PTPRE: variants seen among roughly 807,000 people sequenced by gnomAD.
The protein encoded by PTPRE is protein tyrosine phosphatase receptor type E.
Under a neutral mutation model 102.0 loss-of-function variants are expected in PTPRE, and 51 were observed. The ratio of observed to expected loss-of-function variants is 0.50; its 90% confidence interval spans 0.40 to 0.63. The LOEUF (loss-of-function observed/expected upper bound fraction) is 0.63. Ranked by LOEUF, PTPRE falls within the 30% of genes least tolerant of loss-of-function variation. The probability of loss-of-function intolerance (pLI) is 0.00; values close to 1 mark genes in which losing one functional copy is unlikely to be tolerated. For synonymous variants in PTPRE, 345 were observed against 348.2 expected, an observed-to-expected ratio of 0.99 and a Z score of 0.10; for missense variants, 752 against 915.1, an observed-to-expected ratio of 0.82 and a Z score of 2.30.
intron 1 of PTPRE, among the ~76,000 whole-genome samples, chr10:127,918,028 CA>C (rs960719522): frequency 1.1e-4 from 16 of 150,120 alleles, no homozygotes; most frequent in African/African-American, 2.9e-4. Context: ...GACACCATCT[CA>C]AAAAAAAAGC....
intron 2 of PTPRE, among the ~76,000 whole-genome samples, chr10:127,997,885 T>G (rs1372398707): frequency 6.6e-6 from 1 of 152,244 alleles, no homozygotes; most frequent in African/African-American, 2.4e-5. Flanking sequence ...GTCCTGCTGC[T>G]TCCGTCACAT....
In PTPRE at chr10:128,069,832, G is replaced by A; in HGVS notation, c.1143+5G>A. On this transcript the variant is annotated splice_donor_5th_base_variant and intron_variant, in intron 13 of 20. Transcript: ENST00000254667. ...CCTCAGATGGTTCAAACGGATGTGA[G>A]TCATGCCTTCCTCTTGCCCTGATCT... is the stretch of plus-strand genomic sequence containing the variant. 1 of 1,614,256 alleles carries A rather than the reference G, an allele frequency of 6.2e-7. No individual in the cohort carries two copies. Among genetic ancestry groups the A allele is most frequent in the Non-Finnish European group, 8.5e-7 (1 of 1,180,044 alleles).
At chr10:128,020,025 T>TGC (rs1184963575) in intron 2 of PTPRE, among the ~76,000 whole-genome samples, 2 of 104,182 alleles carry the variant, frequency 1.9e-5, no homozygotes, top group Admixed American at 8.7e-5. Context: ...GTGGAGGCTG[T>TGC]GTGTGTGTGT....
At chr10:127,923,619 G>A (rs777250987) in intron 1 of PTPRE, among the ~76,000 whole-genome samples, 4 of 151,976 alleles carry the variant, frequency 2.6e-5, no homozygotes, top group Non-Finnish European at 4.4e-5. Context: ...GGTCAGGCTG[G>A]TCTCGAACTC....
intron 2 of PTPRE, among the ~76,000 whole-genome samples, chr10:128,009,939 A>G (rs953168574): frequency 1.3e-5 from 2 of 152,220 alleles, no homozygotes; most frequent in Non-Finnish European, 2.9e-5. Context: ...TATGAGAGAA[A>G]GCAGGCAAGA....
chr10:127,985,045 G>A (rs777156143), intron 2 of PTPRE, among the ~76,000 whole-genome samples: 7 of 152,204 alleles, frequency 4.6e-5, no homozygotes, highest in Non-Finnish European at 8.8e-5. Flanking sequence ...ATTCAGAGAC[G>A]TGCTTTTGAG....
chr10:127,946,837 C>T (rs1397400408), intron 1 of PTPRE, among the ~76,000 whole-genome samples: 4 of 151,998 alleles, frequency 2.6e-5, no homozygotes, highest in African/African-American at 7.2e-5. Context: ...AGTTCGAGAC[C>T]AACCTGGGCA....
At chr10:128,011,483 A>G (rs1845006822) in intron 2 of PTPRE, among the ~76,000 whole-genome samples, 1 of 152,200 alleles carries the variant, frequency 6.6e-6, no homozygotes, top group African/African-American at 2.4e-5. Flanking sequence ...GGTGCGCGGT[A>G]GACGTTCCTG....
Position 128,049,652 on chromosome 10 carries a change from C to T in PTPRE, c.406C>T (p.Arg136Trp), listed in dbSNP as rs201268537. 5.5e-5 allele frequency: 88 copies of T among 1,613,678 alleles called. No individual in the cohort carries two copies. Among genetic ancestry groups the T allele is most frequent in the Non-Finnish European group, 6.8e-5 (80 of 1,180,002 alleles). Residue 136 changes from arginine (R) to tryptophan (W), a missense_variant, in exon 6 of 21, where the codon CGG (arginine) becomes TGG (tryptophan). By Grantham distance (101) the Arg-to-Trp change is moderately radical (BLOSUM62 -3). Transcript: ENST00000254667. ...IRSADDCKQFREEFNSLPSGH... is the reference protein window; with the variant it reads ...IRSADDCKQFWEEFNSLPSGH... ...ATCCGCCGACGACTGCAAGCAGTTT[C>T]GGGAGGAGTTCAACGTGAGTGTGGG...
chr10:127,914,087 C>G (rs1203700935), intron 1 of PTPRE, among the ~76,000 whole-genome samples: 1 of 152,146 alleles, frequency 6.6e-6, no homozygotes, highest in East Asian at 1.9e-4. Flanking sequence ...TGAGTTCTTG[C>G]TCAGCTAGTT....
At chr10:127,923,121 A>G (rs1846725785) in intron 1 of PTPRE, among the ~76,000 whole-genome samples, 1 of 152,256 alleles carries the variant, frequency 6.6e-6, no homozygotes, top group Non-Finnish European at 1.5e-5. Flanking sequence ...AGCCCGGCAT[A>G]GCGGCTGGCG....
At chr10:128,018,233 C>T (rs117722344) in intron 2 of PTPRE, among the ~76,000 whole-genome samples, 2,387 of 152,236 alleles carry the variant, frequency 0.016, 29 homozygotes, top group Non-Finnish European at 0.023. Flanking sequence ...TCCTCTGAAA[C>T]CTCACCTCTA....
chr10:127,989,925 T>C (rs1272127963), intron 2 of PTPRE, among the ~76,000 whole-genome samples: 10 of 152,232 alleles, frequency 6.6e-5, no homozygotes, highest in Admixed American at 5.9e-4. Context: ...AATTTGTTCA[T>C]TCGCTCACTG....
chr10:128,071,103 C>T (rs1850730437), intron 15 of PTPRE: 1 of 602,680 alleles, frequency 1.7e-6, no homozygotes, highest in South Asian at 2.0e-5. Context: ...CTGACCCAGA[C>T]AGTCCTGCAT....
intron 19 of PTPRE, among the ~76,000 whole-genome samples, chr10:128,078,814 G>A (rs927746977): frequency 1.3e-5 from 2 of 152,354 alleles, no homozygotes; most frequent in East Asian, 1.9e-4. Context: ...ACGCAGATGC[G>A]GGGCCGATCA....
At chr10:127,952,552 G>T (rs1183107982) in intron 1 of PTPRE, among the ~76,000 whole-genome samples, 6 of 152,140 alleles carry the variant, frequency 3.9e-5, no homozygotes, top group Non-Finnish European at 8.8e-5. Context: ...ACAAAATGCA[G>T]CAAGACAACC....
chr10:127,917,812 A>G (rs1846313634), intron 1 of PTPRE, among the ~76,000 whole-genome samples: 1 of 152,084 alleles, frequency 6.6e-6, no homozygotes, highest in Non-Finnish European at 1.5e-5. Flanking sequence ...GGTGGATCAC[A>G]TGAGGTCAGG....
chr10:127,928,682 T>C (rs532711198), intron 1 of PTPRE, among the ~76,000 whole-genome samples: 1 of 152,328 alleles, frequency 6.6e-6, no homozygotes, highest in South Asian at 2.1e-4. Flanking sequence ...CATCGTACTG[T>C]GGGTACAAAC....
intron 1 of PTPRE, among the ~76,000 whole-genome samples, chr10:127,910,119 A>G (rs1421874689): frequency 6.6e-6 from 1 of 152,216 alleles, no homozygotes; most frequent in Non-Finnish European, 1.5e-5. Context: ...GAATGTATCC[A>G]TTAGGGTAAA....
Sources: gnomAD v4.1 joint callset for allele counts (sites outside exome capture counted in the v4.1 genomes callset) on GRCh38, gnomAD v4.1.1 for gene constraint, MANE v1.5 for transcripts, NCBI Gene and HGNC (gene_info 2026-07-23, HGNC 2026-07-21) for gene names.